Variants in N4BP2 observed in about 807,000 individuals in gnomAD.
N4BP2 encodes the protein NEDD4 binding protein 2.
A neutral mutation model predicts 152.8 loss-of-function variants in N4BP2; 91 were observed. That is an observed-to-expected ratio of 0.60 (90% confidence interval 0.50 to 0.71). The LOEUF is 0.71. N4BP2 is among the 30% of genes least tolerant of loss of function. N4BP2 has a pLI of 0.00. For synonymous variants in N4BP2, 646 were observed against 705.3 expected (o/e 0.92, Z 1.33); for missense variants, 1,923 against 2,059.1 (o/e 0.93, Z 1.28).
chr4:40,147,055 GC>G (rs1720605627), intron 16 of N4BP2, among the ~76,000 whole-genome samples: 2 of 149,952 alleles, frequency 1.3e-5, no homozygotes, highest in Admixed American at 1.3e-4. Flanking sequence ...AGAGGACCCT[GC>G]GGCCTTCCGC....
intron 1 of N4BP2, among the ~76,000 whole-genome samples, chr4:40,069,829 AG>A (rs1404001004): frequency 6.6e-6 from 1 of 152,170 alleles, no homozygotes; most frequent in Non-Finnish European, 1.5e-5. Flanking sequence ...AAGCTGATGC[AG>A]GAGTATTGCT....
At chr4:40,075,409 A>AT (rs1712630448) in intron 2 of N4BP2, among the ~76,000 whole-genome samples, 3 of 151,902 alleles carry the variant, frequency 2.0e-5, no homozygotes, top group Admixed American at 1.3e-4. Context: ...TTATTTATTT[A>AT]TTTTTTTGAG....
intron 2 of N4BP2, chr4:40,083,230 C>G (rs1399760403): frequency 6.6e-6 from 1 of 152,532 alleles, no homozygotes; most frequent in African/African-American, 2.4e-5. Flanking sequence ...TTACACATTG[C>G]TGGTGGAAGC....
intron 1 of N4BP2, among the ~76,000 whole-genome samples, chr4:40,060,628 G>T (rs2109881663): frequency 6.7e-6 from 1 of 150,028 alleles, no homozygotes. Flanking sequence ...TTTGAGACAG[G>T]GTCTCCCTCT....
At chr4:40,143,827 G>T (rs528542066) in intron 15 of N4BP2, among the ~76,000 whole-genome samples, 8 of 152,260 alleles carry the variant, frequency 5.3e-5, no homozygotes, top group African/African-American at 1.9e-4. Flanking sequence ...TCTTGAGATG[G>T]TGTATTAGAG....
At chr4:40,084,592 C>T (rs965817115) in intron 2 of N4BP2, among the ~76,000 whole-genome samples, 3 of 150,304 alleles carry the variant, frequency 2.0e-5, no homozygotes, top group African/African-American at 4.9e-5. Flanking sequence ...TGCACCTCCA[C>T]GCCCAGCCAA....
chr4:40,113,640 T>C, intron 7 of N4BP2, 132 bp downstream of exon 7: 1 of 699,982 alleles, frequency 1.4e-6, no homozygotes, highest in Non-Finnish European at 2.5e-6. Context: ...TTACGGCTTT[T>C]TGTCCAGTTT....
At position 40,157,480 on chromosome 4, in the gene N4BP2, A is replaced by G. The variant is rs1244996336; in HGVS notation, c.*3243A>G. On this transcript the variant is annotated 3_prime_UTR_variant, in exon 18 of 18. Transcript: ENST00000261435. ...GTATGCTTAGAAAGTAGACATGTATAATATTGAGATCGGTTATTTCTGAGC... is the reference window on the plus strand; with the variant it reads ...GTATGCTTAGAAAGTAGACATGTATGATATTGAGATCGGTTATTTCTGAGC... The G allele has an allele frequency of 6.6e-6, 1 of 152,166 alleles. No individual in the cohort carries two copies. Among genetic ancestry groups the G allele is most frequent in the East Asian group, 1.9e-4 (1 of 5,202 alleles). 9.4% of individuals were successfully genotyped at this position (152,166 alleles called of 1,614,324 possible).
At chr4:40,146,276 T>C (rs1553927816) in intron 16 of N4BP2, among the ~76,000 whole-genome samples, 1 of 152,202 alleles carries the variant, frequency 6.6e-6, no homozygotes, top group Non-Finnish European at 1.5e-5. Context: ...CTCTCCAGTC[T>C]CACCCTGTGT....
intron 1 of N4BP2, chr4:40,057,247 G>A (rs1202626032): frequency 1.3e-5 from 2 of 152,306 alleles, no homozygotes; most frequent in African/African-American, 4.8e-5. Context: ...AGGCGTCGGC[G>A]AGAGGCGGGC....
intron 3 of N4BP2, among the ~76,000 whole-genome samples, chr4:40,098,190 T>C (rs1715276480): frequency 6.6e-6 from 1 of 152,190 alleles, no homozygotes; most frequent in African/African-American, 2.4e-5. Flanking sequence ...ATTATGCAAA[T>C]AAGAGCTGAT....
At chr4:40,169,846 T>C in the N4BP2 span, among the ~76,000 whole-genome samples, 2 of 151,428 alleles carry the variant, frequency 1.3e-5, no homozygotes, top group Non-Finnish European at 2.9e-5. Context: ...GCGTCTGTAA[T>C]CTGAGCTACT....
At chr4:40,070,355 A>G (rs1712026453) in intron 1 of N4BP2, among the ~76,000 whole-genome samples, 1 of 152,196 alleles carries the variant, frequency 6.6e-6, no homozygotes, top group Non-Finnish European at 1.5e-5. Flanking sequence ...ATATCTTCAG[A>G]TCTCGCCAAG....
At chr4:40,123,415 AGTTT>A (rs1718115010) in intron 10 of N4BP2, among the ~76,000 whole-genome samples, 2 of 152,156 alleles carry the variant, frequency 1.3e-5, no homozygotes, top group Admixed American at 6.6e-5. Context: ...TCTTTTCAGT[AGTTT>A]AAGTATTTCC....
chr4:40,102,365 A>C lies in N4BP2; in HGVS notation c.520A>C (p.Asn174His). 6.2e-7 allele frequency: 1 copy of C among 1,613,118 alleles called. No homozygotes were observed. Among genetic ancestry groups the C allele is most frequent in the Admixed American group, 1.7e-5 (1 of 59,764 alleles). Residue 174 changes from asparagine (N) to histidine (H), a missense_variant, in exon 4 of 18, where the codon AAT becomes CAT. Transcript: ENST00000261435. ...FLPSQDVNSF[N>H]DSSEFINPDS... ...GCCTTCACAAGATGTTAATAGTTTT[A>C]ATGACTCAAGTGAGTTTATAAATCC...
At chr4:40,090,688 T>C (rs1714441180) in intron 2 of N4BP2, among the ~76,000 whole-genome samples, 1 of 152,138 alleles carries the variant, frequency 6.6e-6, no homozygotes, top group Non-Finnish European at 1.5e-5. Context: ...ATCCCAGTAC[T>C]TTGGGAGGCT....
intron 3 of N4BP2, among the ~76,000 whole-genome samples, chr4:40,101,087 T>C (rs1381568899): frequency 2.0e-5 from 3 of 152,230 alleles, no homozygotes; most frequent in Non-Finnish European, 4.4e-5. Context: ...TATCACCTTA[T>C]GTGAGATCTT....
intron 16 of N4BP2, among the ~76,000 whole-genome samples, chr4:40,150,677 A>AAAG (rs1491105745): frequency 1.3e-4 from 1 of 7,452 alleles, no homozygotes; most frequent in Non-Finnish European, 2.7e-4. Flanking sequence ...TCTCAGGGGG[A>AAAG]AAAAAAAAAA....
At chr4:40,072,970 C>T (rs1049751310) in intron 1 of N4BP2, among the ~76,000 whole-genome samples, 8 of 152,106 alleles carry the variant, frequency 5.3e-5, no homozygotes, top group Non-Finnish European at 8.8e-5. Flanking sequence ...AATCCACCCA[C>T]CTTGGCCTCC....
Sources: gnomAD v4.1 joint callset for allele counts (sites outside exome capture counted in the v4.1 genomes callset) on GRCh38, gnomAD v4.1.1 for gene constraint, MANE v1.5 for transcripts, NCBI Gene and HGNC (gene_info 2026-07-23, HGNC 2026-07-21) for gene names.